SAP130: variants seen among roughly 807,000 people sequenced by gnomAD.
SAP130 encodes the protein Sin3A associated protein 130.
SAP130 carries 16 observed loss-of-function variants against 103.2 expected under a neutral mutation model. The observed-to-expected ratio is 0.16, with a 90% CI of 0.10 to 0.24. SAP130 has a LOEUF of 0.24. Among genes scored for constraint, SAP130 ranks in the 10% least tolerant of loss-of-function variants. The pLI is 1.00. For synonymous variants in SAP130, 477 were observed against 497.0 expected (o/e 0.96, Z 0.53); for missense variants, 990 against 1,359.7 (o/e 0.73, Z 4.28).
chr2:128,010,734 C>T lies in SAP130; in HGVS notation c.745-341G>A, dbSNP rs756209693. On this transcript the variant is annotated intron_variant, in intron 6 of 20. Transcript: ENST00000643581. ...AAAAAATTAGCCGGGTGTGGTGGCA[C>T]GCGCCTGTAATCCCAGCTACTCAGG... Among the ~76,000 whole-genome samples, 126 of 152,000 alleles carry T rather than the reference C, an allele frequency of 8.3e-4. 3 individuals carry two copies. Among genetic ancestry groups the T allele is most frequent in the African/African-American group, 2.4e-4 (10 of 41,460 alleles).
At chr2:127,954,030 G>A (rs1459901866) in intron 16 of SAP130, among the ~76,000 whole-genome samples, 1 of 152,190 alleles carries the variant, frequency 6.6e-6, no homozygotes, top group African/African-American at 2.4e-5. Flanking sequence ...ACTCCTATAG[G>A]TTGAGGTAGG....
chr2:127,997,110 C>T (rs150168516), intron 10 of SAP130, among the ~76,000 whole-genome samples: 129 of 152,220 alleles, frequency 8.5e-4, no homozygotes, highest in Non-Finnish European at 1.7e-3. Flanking sequence ...TTTCTAAGGT[C>T]CTTTGAATGT....
intron 7 of SAP130, among the ~76,000 whole-genome samples, chr2:128,006,330 G>A (rs955219439): frequency 6.6e-6 from 1 of 152,202 alleles, no homozygotes; most frequent in African/African-American, 2.4e-5. Context: ...TGACTGAAAA[G>A]ACAAGGGTCA....
At chr2:127,959,598 A>G (rs941417259) in intron 15 of SAP130, among the ~76,000 whole-genome samples, 11 of 152,218 alleles carry the variant, frequency 7.2e-5, no homozygotes, top group African/African-American at 2.7e-4. Flanking sequence ...CTGCTAAAGT[A>G]TAACCTATAT....
chr2:127,981,959 C>T (rs917486237), intron 14 of SAP130, among the ~76,000 whole-genome samples: 1 of 152,188 alleles, frequency 6.6e-6, no homozygotes, highest in African/African-American at 2.4e-5. Context: ...ATAAAGCTTG[C>T]TTGCCTGACT....
intron 6 of SAP130, among the ~76,000 whole-genome samples, chr2:128,012,033 C>T (rs1397725396): frequency 2.0e-5 from 3 of 152,114 alleles, no homozygotes; most frequent in African/African-American, 7.2e-5. Context: ...AAGGCGGTTT[C>T]AAACTCCTGA....
intron 15 of SAP130, among the ~76,000 whole-genome samples, chr2:127,959,032 C>A (rs1680046647): frequency 6.6e-6 from 1 of 152,120 alleles, no homozygotes; most frequent in Admixed American, 6.6e-5. Flanking sequence ...GTGTTTCAGG[C>A]ATGATGGAGT....
At chr2:128,003,084 G>A (rs1170880198) in intron 7 of SAP130, among the ~76,000 whole-genome samples, 2 of 151,976 alleles carry the variant, frequency 1.3e-5, no homozygotes, top group Non-Finnish European at 2.9e-5. Flanking sequence ...AGCTGAGACT[G>A]TGCCACTGCA....
intron 10 of SAP130, among the ~76,000 whole-genome samples, chr2:127,997,809 T>C (rs755226238): frequency 9.2e-5 from 14 of 152,284 alleles, no homozygotes; most frequent in Middle Eastern, 3.4e-3. Flanking sequence ...AAATCTTTGT[T>C]TTCTAATTTA....
chr2:128,016,146 G>C (rs1444646958), intron 4 of SAP130, among the ~76,000 whole-genome samples: 1 of 151,760 alleles, frequency 6.6e-6, no homozygotes, highest in Non-Finnish European at 1.5e-5. Flanking sequence ...TATCACACTA[G>C]GGTCGAATCG....
At position 127,965,073 on chromosome 2, in the gene SAP130, G is replaced by C. The variant is rs528222161; in HGVS notation, c.2064-9729C>G. ...GCCCTTTGGGAGGCCAAGGTGGGCA[G>C]ATCGCGAGGTCAGGAGATCAAGACC... On this transcript the variant is annotated intron_variant, in intron 15 of 20. Coordinates refer to ENST00000643581, the MANE Select transcript of SAP130 (RefSeq NM_001330301.2). Among the ~76,000 whole-genome samples, 543 of 150,508 alleles carry C rather than the reference G, an allele frequency of 3.6e-3. 4 individuals carry two copies. Among genetic ancestry groups the C allele is most frequent in the African/African-American group, 0.013 (522 of 40,988 alleles).
At chr2:128,010,988 C>G (rs1684352006) in intron 6 of SAP130, among the ~76,000 whole-genome samples, 1 of 144,774 alleles carries the variant, frequency 6.9e-6, no homozygotes, top group Non-Finnish European at 1.5e-5. Flanking sequence ...TTGAACAGTA[C>G]ATGAGTCCCT....
At chr2:127,991,953 C>T (rs1411844012) in intron 12 of SAP130, among the ~76,000 whole-genome samples, 1 of 152,168 alleles carries the variant, frequency 6.6e-6, no homozygotes, top group East Asian at 1.9e-4. Flanking sequence ...ACAATCCAGG[C>T]AGCAATAACA....
chr2:127,960,487 A>AGATAT (rs1680163368), intron 15 of SAP130, among the ~76,000 whole-genome samples: 1 of 152,228 alleles, frequency 6.6e-6, no homozygotes. Context: ...TTGAAGATGA[A>AGATAT]CTAGTGATAT....
chr2:128,023,919 AT>A (rs1445309352), intron 2 of SAP130, among the ~76,000 whole-genome samples: 3 of 135,562 alleles, frequency 2.2e-5, no homozygotes, highest in Non-Finnish European at 4.7e-5. Flanking sequence ...ATTCTAGAGA[AT>A]AATAATATTC....
At chr2:127,959,643 T>G (rs886425570) in intron 15 of SAP130, among the ~76,000 whole-genome samples, 4 of 152,134 alleles carry the variant, frequency 2.6e-5, no homozygotes, top group African/African-American at 9.7e-5. Flanking sequence ...ACTTAAAATG[T>G]CCAGTTCCAA....
chr2:127,981,858 A>AC (rs1239278431), intron 14 of SAP130, among the ~76,000 whole-genome samples: 12 of 151,272 alleles, frequency 7.9e-5, no homozygotes, highest in Non-Finnish European at 1.8e-4. Context: ...CAGCTCCCCG[A>AC]CCCCGACCCA....
At chr2:127,959,277 A>G (rs796915297) in intron 15 of SAP130, among the ~76,000 whole-genome samples, 8 of 152,344 alleles carry the variant, frequency 5.3e-5, no homozygotes, top group African/African-American at 1.9e-4. Context: ...AGACAAAAAA[A>G]AGTCCCAAGA....
At chr2:127,968,414 GTTT>G (rs772856433) in intron 15 of SAP130, among the ~76,000 whole-genome samples, 7 of 133,956 alleles carry the variant, frequency 5.2e-5, no homozygotes, top group East Asian at 2.1e-4. Flanking sequence ...CCCGGAGTTG[GTTT>G]TTTTTTTTTT....
Sources: gnomAD v4.1 joint callset for allele counts (sites outside exome capture counted in the v4.1 genomes callset) on GRCh38, gnomAD v4.1.1 for gene constraint, MANE v1.5 for transcripts, NCBI Gene and HGNC (gene_info 2026-07-23, HGNC 2026-07-21) for gene names.